The following NLRC5 variants were observed in gnomAD, a reference collection of about 807,000 sequenced individuals.
NLRC5 encodes the protein protein NLRC5.
Under a neutral mutation model 206.9 loss-of-function variants are expected in NLRC5, and 114 were observed. The ratio of observed to expected loss-of-function variants is 0.55; its 90% CI spans 0.47 to 0.64. NLRC5 has a LOEUF of 0.64. Ranked by LOEUF, NLRC5 falls within the 30% of genes least tolerant of loss-of-function variation. NLRC5 has a pLI of 0.00. For missense variants in NLRC5, 2,008 were observed against 2,305.5 expected, an observed-to-expected ratio of 0.87 and a Z score of 2.64; for synonymous variants, 952 against 962.8, an observed-to-expected ratio of 0.99 and a Z score of 0.21.
chr16:57,011,055 G>T (rs1567522181), intron 1 of NLRC5, among the ~76,000 whole-genome samples: 2 of 152,138 alleles, frequency 1.3e-5, no homozygotes, highest in Admixed American at 1.3e-4. Flanking sequence ...GCTTCCCAGA[G>T]TTGGTCTCTA....
intron 1 of NLRC5, among the ~76,000 whole-genome samples, chr16:57,012,460 G>A (rs755573248): frequency 1.2e-4 from 19 of 152,106 alleles, no homozygotes; most frequent in African/African-American, 3.1e-4. Context: ...GATCAGTGTC[G>A]GTTCATGGCC....
rs749433310 is a variant in NLRC5 at position 57,020,721 on chromosome 16, C to G, written c.9C>G (p.Pro3=). Residue 3 remains proline, a synonymous_variant, in exon 3 of 49, where the codon CCC becomes CCG. Coordinates refer to ENST00000688547, the MANE Select transcript of NLRC5 (RefSeq NM_001384950.1). MD[P]VGLQLGNKNL... is the part of the protein sequence containing the mutation. The stretch of plus-strand genomic sequence containing the variant: ...TCCAGGGCTGGCTCCTCATGGACCC[C>G]GTTGGCCTCCAGCTCGGCAACAAGA... 5.0e-6 allele frequency: 8 copies of G among 1,610,306 alleles called. No individual in the cohort carries two copies. The highest frequency in any genetic ancestry group is 6.8e-6 in the Non-Finnish European group (8 of 1,179,208).
intron 27 of NLRC5, among the ~76,000 whole-genome samples, chr16:57,057,422 T>G (rs2062544): frequency 0.56 from 84,574 of 152,124 alleles, 24,695 homozygotes; most frequent in African/African-American, 0.74. Flanking sequence ...AGACTCCATC[T>G]CAAAATAAAT....
chr16:57,058,883 T>C, intron 28 of NLRC5, 89 bp from the exon 29 acceptor site: 1 of 1,104,206 alleles, frequency 9.1e-7, no homozygotes, highest in Non-Finnish European at 1.4e-6. Context: ...TTCTTGGAAA[T>C]GACAGCTGGA....
At chr16:57,015,925 C>CAAAAAAAAAAAAAA (rs35216159) in intron 1 of NLRC5, among the ~76,000 whole-genome samples, 5 of 39,652 alleles carry the variant, frequency 1.3e-4, no homozygotes, top group African/African-American at 3.4e-4. Flanking sequence ...AACTCCATCT[C>CAAAAAAAAAAAAAA]AAAAAAAAAA....
chr16:57,025,812 C>G lies in NLRC5; in HGVS notation c.869C>G (p.Thr290Ser). 1 of 1,614,272 alleles carries G rather than the reference C, an allele frequency of 6.2e-7. No individual in the cohort carries two copies. Among genetic ancestry groups the G allele is most frequent in the Non-Finnish European group, 8.5e-7 (1 of 1,180,050 alleles). The change falls in exon 6 of 49, where the codon ACT (threonine) becomes AGT (serine). Residue 290 changes from threonine to serine, a missense_variant. Coordinates refer to ENST00000688547, the MANE Select transcript of NLRC5 (RefSeq NM_001384950.1). ...LYLSPESDHD[T>S]VFQYLEKNAD... The stretch of plus-strand genomic sequence containing the variant: ...CTGAGCCCTGAATCGGACCACGACA[C>G]TGTCTTCCAGTACCTGGAGAAGAAC...
chr16:57,037,725 G>A (rs867546281), intron 15 of NLRC5, among the ~76,000 whole-genome samples: 12 of 152,108 alleles, frequency 7.9e-5, no homozygotes, highest in South Asian at 4.1e-4. Context: ...AGTGACATGC[G>A]ACCCCCTACC....
rs574604244 is a variant in NLRC5, at chr16:57,059,240, C to T, written c.3920+179C>T. 1,470 of 1,480,630 alleles carry T rather than the reference C, an allele frequency of 9.9e-4. 6 individuals are homozygous for T. Among genetic ancestry groups the T allele is most frequent in the Non-Finnish European group, 8.3e-4 (924 of 1,117,594 alleles). 91.7% of individuals were successfully genotyped at this position (1,480,630 alleles called of 1,614,324 possible). A position where few individuals can be genotyped will look rare whatever the true frequency, so the allele number is the denominator to read the frequency against. On this transcript the variant is annotated intron_variant, in intron 29 of 48. Coordinates refer to ENST00000688547, the MANE Select transcript of NLRC5 (RefSeq NM_001384950.1). ...GGCATGGGATCATAATTTCTATCCC[C>T]TGATGCCCGGGTGCCATGGGGACCA...
intron 37 of NLRC5, 72 bp downstream of exon 37, chr16:57,069,991 C>G: frequency 7.8e-7 from 1 of 1,280,584 alleles, no homozygotes; most frequent in South Asian, 1.3e-5. Context: ...GAGAGCAGGG[C>G]GTTTGGGAGG....
At chr16:57,073,463 G>T (rs1473416721) in intron 38 of NLRC5, among the ~76,000 whole-genome samples, 1 of 152,168 alleles carries the variant, frequency 6.6e-6, no homozygotes, top group East Asian at 1.9e-4. Flanking sequence ...TCAACTCTGG[G>T]TGGGGTAACT....
chr16:57,029,544 C>T (rs1319801926), intron 8 of NLRC5, among the ~76,000 whole-genome samples: 1 of 152,146 alleles, frequency 6.6e-6, no homozygotes, highest in Non-Finnish European at 1.5e-5. Context: ...TCCCTTGAGC[C>T]GCCAGGCAAA....
chr16:57,035,687 A>G (rs1327021799), intron 13 of NLRC5, among the ~76,000 whole-genome samples: 2 of 152,228 alleles, frequency 1.3e-5, no homozygotes, highest in African/African-American at 4.8e-5. Context: ...AGATGCCCCC[A>G]TAATCATGAA....
intron 14 of NLRC5, among the ~76,000 whole-genome samples, 174 bp from the exon 15 acceptor site, chr16:57,037,021 G>A (rs995427014): frequency 2.6e-5 from 4 of 152,134 alleles, no homozygotes; most frequent in South Asian, 2.1e-4. Context: ...GGGGTGTCAT[G>A]CATTTTTTGG....
chr16:57,029,401 C>T (rs546990952), intron 8 of NLRC5, among the ~76,000 whole-genome samples: 1 of 152,270 alleles, frequency 6.6e-6, no homozygotes, highest in South Asian at 2.1e-4. Flanking sequence ...GCGATGTCTG[C>T]AGCGTCCCAG....
intron 20 of NLRC5, among the ~76,000 whole-genome samples, chr16:57,044,428 C>T (rs2063685940): frequency 6.6e-6 from 1 of 152,160 alleles, no homozygotes; most frequent in Non-Finnish European, 1.5e-5. Flanking sequence ...AGCCAAGCCA[C>T]CCCAGGCACT....
chr16:57,072,558 T>C (rs973117231), intron 38 of NLRC5, among the ~76,000 whole-genome samples: 1 of 152,158 alleles, frequency 6.6e-6, no homozygotes, highest in Admixed American at 6.6e-5. Context: ...CCCCCATAAT[T>C]TGAAGTCATC....
At chr16:57,003,088 C>T (rs1441097062) in intron 1 of NLRC5, among the ~76,000 whole-genome samples, 1 of 150,714 alleles carries the variant, frequency 6.6e-6, no homozygotes, top group Non-Finnish European at 1.5e-5. Context: ...GAGATGAAGT[C>T]TCGCTCTGTC....
intron 26 of NLRC5, 148 bp downstream of exon 26, chr16:57,055,242 T>C: frequency 1.0e-6 from 1 of 968,824 alleles, no homozygotes; most frequent in South Asian, 1.4e-5. Flanking sequence ...TCACCCAGCA[T>C]GAAGAAACAC....
chr16:57,064,933 AATAAG>A (rs765893396), intron 32 of NLRC5, among the ~76,000 whole-genome samples: 17 of 152,292 alleles, frequency 1.1e-4, no homozygotes, highest in Non-Finnish European at 2.2e-4. Flanking sequence ...TCAAAAATAA[AATAAG>A]ATAAGATAAA....
Sources: allele counts gnomAD v4.1 joint callset (sites outside exome capture counted in the v4.1 genomes callset), GRCh38; gene constraint gnomAD v4.1.1; transcripts MANE v1.5; gene names NCBI Gene and HGNC (gene_info 2026-07-23, HGNC 2026-07-21).